The following MSI1 variants were observed in gnomAD, a reference collection of about 807,000 sequenced individuals.
MSI1 encodes musashi RNA binding protein 1.
MSI1 carries 15 observed loss-of-function variants against 54.4 expected under a neutral mutation model. The ratio of observed to expected loss-of-function variants is 0.28; its 90% CI spans 0.18 to 0.42. The LOEUF is 0.42. Ranked by LOEUF, MSI1 falls within the 20% of genes least tolerant of loss-of-function variation. MSI1 has a pLI of 1.00. For synonymous variants in MSI1, 200 were observed against 196.5 expected, an observed-to-expected ratio of 1.02 and a Z score of -0.15; for missense variants, 304 against 506.0, an observed-to-expected ratio of 0.60 and a Z score of 3.83.
At chr12:120,363,654 C>A (rs908363300) in intron 5 of MSI1, among the ~76,000 whole-genome samples, 3 of 152,198 alleles carry the variant, frequency 2.0e-5, no homozygotes, top group African/African-American at 7.2e-5. Flanking sequence ...TTCCCAGCCC[C>A]ATCCTAACAC....
chr12:120,344,325 G>T (rs959087197), intron 14 of MSI1, among the ~76,000 whole-genome samples: 1 of 152,216 alleles, frequency 6.6e-6, no homozygotes, highest in African/African-American at 2.4e-5. Context: ...GACAAACACT[G>T]CCAGACTGCC....
chr12:120,362,954 G>T, intron 6 of MSI1, 89 bp downstream of exon 6: 1 of 1,136,434 alleles, frequency 8.8e-7, no homozygotes, highest in Non-Finnish European at 1.3e-6. Context: ...TTGCAGGAAT[G>T]GAATGACCTG....
At chr12:120,361,356 G>C (rs569947832) in intron 6 of MSI1, 1 of 152,300 alleles carries the variant, frequency 6.6e-6, no homozygotes, top group Admixed American at 6.5e-5. Flanking sequence ...AACCCTGCAA[G>C]GAAGGCCACC....
chr12:120,345,541 C>A (rs764621886), intron 14 of MSI1, 29 bp downstream of exon 14: 1 of 1,608,580 alleles, frequency 6.2e-7, no homozygotes, highest in South Asian at 1.1e-5. Context: ...CAGTGCCACC[C>A]CACCACCTGC....
chr12:120,364,660 C>A, intron 5 of MSI1, 54 bp downstream of exon 5: 1 of 1,489,112 alleles, frequency 6.7e-7, no homozygotes, highest in Non-Finnish European at 9.0e-7. Flanking sequence ...GGGAAAATCA[C>A]TGCCCAGCAT....
chr12:120,369,120 A>G lies in MSI1; in HGVS notation c.-29T>C, dbSNP rs1163916509. On this transcript the variant is annotated 5_prime_UTR_variant, in exon 1 of 15. Coordinates refer to ENST00000257552, the MANE Select transcript of MSI1 (RefSeq NM_002442.4). Reference sequence around the variant, plus strand: ...GAGCCGCGGGCGGCGCGGGCAGCGGAGCGGCGGCGGCGGCGGCGGCGGCGG... The same window carrying G: ...GAGCCGCGGGCGGCGCGGGCAGCGGGGCGGCGGCGGCGGCGGCGGCGGCGG... 1.0e-6 allele frequency: 1 copy of G among 1,003,180 alleles called. No homozygotes were observed. Among genetic ancestry groups the G allele is most frequent in the Non-Finnish European group, 1.2e-6 (1 of 846,804 alleles). The allele number at this position is 1,003,180 out of a possible 1,614,324, so 62.1% of individuals were successfully genotyped here.
chr12:120,366,484 G>A (rs1376243491), intron 4 of MSI1, among the ~76,000 whole-genome samples: 1 of 151,758 alleles, frequency 6.6e-6, no homozygotes, highest in Non-Finnish European at 1.5e-5. Flanking sequence ...AGAAGCAGCC[G>A]CCCCAGCCAC....
Position 120,368,102 on chromosome 12 carries a change from G to A in MSI1, c.183-10C>T, listed in dbSNP as rs770212864. The A allele has an allele frequency of 6.2e-7, 1 of 1,613,024 alleles. No individual in the cohort carries two copies. Among genetic ancestry groups the A allele is most frequent in the Non-Finnish European group, 8.5e-7 (1 of 1,179,560 alleles). ...GACGAAGCCGAAACCCCTGCGCGCCGTAGTGAGGGAGAGGCAGATGGTTAC... is the reference window on the plus strand; with the variant it reads ...GACGAAGCCGAAACCCCTGCGCGCCATAGTGAGGGAGAGGCAGATGGTTAC... On this transcript the variant is annotated splice_polypyrimidine_tract_variant and intron_variant, in intron 3 of 14. Coordinates refer to ENST00000257552, the MANE Select transcript of MSI1 (RefSeq NM_002442.4). This position sits in a 1 kb window ranked among gnomAD's most constrained non-coding sequence, Gnocchi z 6.6.
chr12:120,353,627 G>T (rs1874831171), intron 9 of MSI1, among the ~76,000 whole-genome samples: 1 of 152,234 alleles, frequency 6.6e-6, no homozygotes, highest in Non-Finnish European at 1.5e-5. Flanking sequence ...GGCTCTGAAA[G>T]GTGACACTTT....
chr12:120,347,622 G>T, intron 11 of MSI1, 108 bp from the exon 12 acceptor site: 1 of 1,362,798 alleles, frequency 7.3e-7, no homozygotes, highest in Non-Finnish European at 1.0e-6. Context: ...CTACCTCAGA[G>T]GGTTCCATGT....
At chr12:120,357,428 T>C (rs907864736) in intron 8 of MSI1, among the ~76,000 whole-genome samples, 1 of 152,210 alleles carries the variant, frequency 6.6e-6, no homozygotes, top group Non-Finnish European at 1.5e-5. Context: ...ATAGCTTCCC[T>C]GGCAGGCCCC....
Position 120,368,864 on chromosome 12 carries a change from G to A in MSI1, c.69C>T (p.Phe23=). Reference sequence around the variant, plus strand: ...TAGTCTGCCAACTGAGTCCCCCGATGAACATCTTGCTGCGGGAGGAGGAGA... The same window carrying A: ...TAGTCTGCCAACTGAGTCCCCCGATAAACATCTTGCTGCGGGAGGAGGAGA... ...PDSPHDPCKM[F]IGGLSWQTTQ... The change falls in exon 2 of 15, where the codon TTC becomes TTT. Residue 23 remains phenylalanine, a synonymous_variant. Coordinates refer to ENST00000257552, the MANE Select transcript of MSI1 (RefSeq NM_002442.4). The surrounding 1 kb of genome is among the most constrained non-coding windows in gnomAD (Gnocchi z 6.6). The A allele has an allele frequency of 2.7e-6, 4 of 1,471,978 alleles. No homozygotes were observed. Among genetic ancestry groups the A allele is most frequent in the Non-Finnish European group, 3.6e-6 (4 of 1,101,704 alleles). 91.2% of individuals were successfully genotyped at this position (1,471,978 alleles called of 1,614,324 possible).
intron 11 of MSI1, among the ~76,000 whole-genome samples, chr12:120,348,051 C>T (rs929715554): frequency 6.6e-6 from 1 of 152,158 alleles, no homozygotes; most frequent in African/African-American, 2.4e-5. Flanking sequence ...TAGCGTTGCA[C>T]CGCACCTTCT....
chr12:120,366,361 C>T (rs1265644935), intron 4 of MSI1, among the ~76,000 whole-genome samples: 1 of 152,144 alleles, frequency 6.6e-6, no homozygotes, highest in Admixed American at 6.5e-5. Context: ...GGCAATGCCT[C>T]CTCTCCTGCC....
chr12:120,363,161 G>A (rs1440971221), intron 5 of MSI1, 26 bp from the exon 6 acceptor site: 1 of 1,602,034 alleles, frequency 6.2e-7, no homozygotes, highest in Non-Finnish European at 8.5e-7. Flanking sequence ...ATGAGAAAGT[G>A]GGCATCTGAG....
At chr12:120,363,256 T>A in intron 5 of MSI1, 121 bp from the exon 6 acceptor site, 3 of 691,432 alleles carry the variant, frequency 4.3e-6, no homozygotes, top group Non-Finnish European at 7.1e-6. Flanking sequence ...CCAGCCTCTT[T>A]AAAGGCCCCC....
At chr12:120,340,550 T>C (rs1348022007), downstream of MSI1, among the ~76,000 whole-genome samples, 1 of 152,100 alleles carries the variant, frequency 6.6e-6, no homozygotes, top group Non-Finnish European at 1.5e-5. Context: ...CATCTTGCTC[T>C]GTCCTCCAGG....
At chr12:120,367,009 T>C (rs1393232743) in intron 4 of MSI1, among the ~76,000 whole-genome samples, 1 of 152,198 alleles carries the variant, frequency 6.6e-6, no homozygotes, top group Non-Finnish European at 1.5e-5. Flanking sequence ...AAGAAGATCC[T>C]TTCAGAGCCG....
chr12:120,368,757 T>C lies in MSI1; in HGVS notation c.100+76A>G, dbSNP rs1342169346. ...GGGTCAGCAGGGCGCAGGGCCGGGCTGGGGTGTCCGGGTCCGGGGCGCCGG... is the reference window on the plus strand; with the variant it reads ...GGGTCAGCAGGGCGCAGGGCCGGGCCGGGGTGTCCGGGTCCGGGGCGCCGG... On this transcript the variant is annotated intron_variant, in intron 2 of 14. Transcript: ENST00000257552. This position sits in a 1 kb window ranked among gnomAD's most constrained non-coding sequence, Gnocchi z 6.6. The C allele has an allele frequency of 1.4e-5, 18 of 1,274,756 alleles. No individual in the cohort carries two copies. The highest frequency in any genetic ancestry group is 1.7e-5 in the Non-Finnish European group (17 of 988,384). The allele number at this position is 1,274,756 out of a possible 1,614,324, so 79.0% of individuals were successfully genotyped here. A position where few individuals can be genotyped will look rare whatever the true frequency, so the allele number is the denominator to read the frequency against.
Sources: allele counts gnomAD v4.1 joint callset (sites outside exome capture counted in the v4.1 genomes callset), GRCh38; gene constraint gnomAD v4.1.1; non-coding constraint Gnocchi (gnomAD v3.1); transcripts MANE v1.5; gene names NCBI Gene and HGNC (gene_info 2026-07-23, HGNC 2026-07-21).